The following PTPRR variants were observed in gnomAD, a reference collection of about 807,000 sequenced individuals.
The protein encoded by PTPRR is protein tyrosine phosphatase receptor type R, also known as receptor-type tyrosine-protein phosphatase R.
Under a neutral mutation model 77.2 loss-of-function variants are expected in PTPRR, and 38 were observed. The observed-to-expected ratio is 0.49, with a 90% confidence interval of 0.38 to 0.65. The LOEUF is 0.65. PTPRR is among the 30% of genes least tolerant of loss of function. The pLI is 0.00. For missense variants in PTPRR, 744 were observed against 799.2 expected, an observed-to-expected ratio of 0.93 and a Z score of 0.83; for synonymous variants, 299 against 283.1, an observed-to-expected ratio of 1.06 and a Z score of -0.57.
chr12:70,819,138 T>A (rs1253840973), intron 2 of PTPRR, among the ~76,000 whole-genome samples: 1 of 152,112 alleles, frequency 6.6e-6, no homozygotes, highest in Non-Finnish European at 1.5e-5. Flanking sequence ...CTAGTCGACA[T>A]GGTGAAACCC....
chr12:70,849,202 A>G (rs560606128), intron 2 of PTPRR, among the ~76,000 whole-genome samples: 2 of 152,298 alleles, frequency 1.3e-5, no homozygotes, highest in South Asian at 2.1e-4. Flanking sequence ...AAAGGTAGAT[A>G]TTTGAACCAT....
intron 2 of PTPRR, among the ~76,000 whole-genome samples, chr12:70,872,390 C>T (rs1401784387): frequency 6.6e-6 from 1 of 151,140 alleles, no homozygotes; most frequent in Non-Finnish European, 1.5e-5. Flanking sequence ...CATCCTCCTG[C>T]TTGTTTACAG....
chr12:70,905,156 T>C (rs1216143799), intron 1 of PTPRR, among the ~76,000 whole-genome samples: 3 of 151,772 alleles, frequency 2.0e-5, no homozygotes, highest in Admixed American at 2.0e-4. Context: ...TATTTCATTA[T>C]AGGTAGAGGG....
chr12:70,834,433 G>T (rs1892267594), intron 2 of PTPRR, among the ~76,000 whole-genome samples: 1 of 152,112 alleles, frequency 6.6e-6, no homozygotes, highest in African/African-American at 2.4e-5. Context: ...TTGTCAGGCT[G>T]TTCAAATAAC....
chr12:70,862,593 G>A (rs936084925), intron 2 of PTPRR, among the ~76,000 whole-genome samples: 13 of 119,608 alleles, frequency 1.1e-4, no homozygotes, highest in African/African-American at 3.4e-4. Flanking sequence ...ACTGTTGTGG[G>A]GTGGGGGGAG....
At chr12:70,882,463 A>C (rs1306836232) in intron 2 of PTPRR, among the ~76,000 whole-genome samples, 1 of 152,190 alleles carries the variant, frequency 6.6e-6, no homozygotes, top group Non-Finnish European at 1.5e-5. Flanking sequence ...CACCCTTATC[A>C]TACTAAACAC....
chr12:70,889,177 G>A (rs1348975999), intron 2 of PTPRR, among the ~76,000 whole-genome samples: 1 of 152,154 alleles, frequency 6.6e-6, no homozygotes, highest in Non-Finnish European at 1.5e-5. Context: ...TATGTACATA[G>A]ACTAAGCCCA....
At position 70,892,993 on chromosome 12, in the gene PTPRR, A is replaced by G. The variant is rs1057259311; in HGVS notation, c.59-16T>C. On this transcript the variant is annotated splice_polypyrimidine_tract_variant and intron_variant, in intron 1 of 13. Coordinates refer to ENST00000283228, the MANE Select transcript of PTPRR (RefSeq NM_002849.4). ...GAAAAGCACCCTGAAAGAGGGAAGA[A>G]GCAGAAACAATATCAAAGACCCTAT... 6.2e-7 allele frequency: 1 copy of G among 1,609,500 alleles called. No individual in the cohort carries two copies. The highest frequency in any genetic ancestry group is 8.5e-7 in the Non-Finnish European group (1 of 1,177,396).
chr12:70,764,766 C>T lies in PTPRR; in HGVS notation c.370G>A (p.Asp124Asn), dbSNP rs781754786. 6 of 1,613,010 alleles carry T rather than the reference C, an allele frequency of 3.7e-6. No individual in the cohort carries two copies. Among genetic ancestry groups the T allele is most frequent in the Non-Finnish European group, 5.1e-6 (6 of 1,179,014 alleles). The change falls in exon 3 of 14, where the codon GAT becomes AAT. Residue 124 changes from aspartate to asparagine, a missense_variant. Physicochemically the swap from Asp to Asn is conservative, Grantham distance 23. Transcript: ENST00000283228. ...AAGGTTATGTTCAGCTTGTTTACAT[C>T]CATTTGCAGTGTCTAGAAAATAAGG... is the stretch of plus-strand genomic sequence containing the variant. ...ANVIVVTLQM[D>N]VNKLNITLLR...
chr12:70,812,501 T>C (rs1444222031), intron 2 of PTPRR, among the ~76,000 whole-genome samples: 1 of 152,204 alleles, frequency 6.6e-6, no homozygotes. Context: ...AATAGGTTTA[T>C]TTTCTGCCAT....
chr12:70,868,033 A>C (rs1247274027), intron 2 of PTPRR, among the ~76,000 whole-genome samples: 2 of 152,198 alleles, frequency 1.3e-5, no homozygotes, highest in Admixed American at 6.5e-5. Context: ...TACAAAAATT[A>C]ATTCAAGATG....
At chr12:70,791,762 GT>G (rs1265027367) in intron 2 of PTPRR, among the ~76,000 whole-genome samples, 2 of 152,100 alleles carry the variant, frequency 1.3e-5, no homozygotes, top group Non-Finnish European at 2.9e-5. Context: ...AGATGTAATG[GT>G]TTTTTAAGAT....
At chr12:70,724,802 T>G (rs1592707698) in intron 6 of PTPRR, among the ~76,000 whole-genome samples, 4 of 151,828 alleles carry the variant, frequency 2.6e-5, no homozygotes, top group Admixed American at 2.6e-4. Flanking sequence ...TAAGTCTGGA[T>G]ATATATATAT....
In PTPRR at chr12:70,816,694, A is replaced by G. The variant is rs146702927; in HGVS notation, c.358-51916T>C. ...ACATCCAGAAACCACAGGTCTAGAC[A>G]AGTTATCTTTAAGCATTATTAGAAA... On this transcript the variant is annotated intron_variant, in intron 2 of 13. Coordinates refer to ENST00000283228, the MANE Select transcript of PTPRR (RefSeq NM_002849.4). Among the ~76,000 whole-genome samples the G allele has an allele frequency of 1.1e-4, 16 of 152,184 alleles. No homozygotes were observed. In the East Asian group the frequency reaches 3.1e-3, roughly 29 times the overall value.
intron 2 of PTPRR, among the ~76,000 whole-genome samples, chr12:70,767,905 T>G (rs548839517): frequency 6.0e-4 from 91 of 152,302 alleles, no homozygotes; most frequent in African/African-American, 2.0e-3. Flanking sequence ...AACCTGCTCC[T>G]GAATGACTAC....
At chr12:70,780,999 T>TG (rs1228201224) in intron 2 of PTPRR, among the ~76,000 whole-genome samples, 1 of 152,234 alleles carries the variant, frequency 6.6e-6, no homozygotes, top group Non-Finnish European at 1.5e-5. Flanking sequence ...CATTGCTGCC[T>TG]GTGACTGGTG....
rs113954383 is a variant in PTPRR at position 70,728,202 on chromosome 12, A to ATT, written c.1007+17614_1007+17615dup. Reference sequence around the variant, plus strand: ...GGACCAGAAGTGTTTCAGATTTTGGATTTTTTTTTTTTCAGATTTTGGAAT... The same window carrying ATT: ...GGACCAGAAGTGTTTCAGATTTTGGATTTTTTTTTTTTTTCAGATTTTGGAAT... On this transcript the variant is annotated intron_variant, in intron 6 of 13. Coordinates refer to ENST00000283228, the MANE Select transcript of PTPRR (RefSeq NM_002849.4). Among the ~76,000 whole-genome samples, 10 of 127,818 alleles carry ATT rather than the reference A, an allele frequency of 7.8e-5. 1 individual carries two copies. The East Asian group carries it at 2.5e-3, about 31-fold the overall frequency. The allele number at this position is 127,818 out of a possible 152,430, so 83.9% of individuals were successfully genotyped here.
At chr12:70,724,689 C>T (rs770770397) in intron 6 of PTPRR, among the ~76,000 whole-genome samples, 5 of 152,010 alleles carry the variant, frequency 3.3e-5, no homozygotes, top group African/African-American at 1.2e-4. Context: ...GCTACTGTTA[C>T]AAGTAGTGTT....
intron 2 of PTPRR, among the ~76,000 whole-genome samples, chr12:70,872,523 G>A (rs1482121484): frequency 1.3e-4 from 20 of 151,280 alleles, no homozygotes; most frequent in African/African-American, 2.2e-4. Flanking sequence ...ATGAAACCCC[G>A]TCTCTACTAA....
Sources: gnomAD v4.1 joint callset for allele counts (sites outside exome capture counted in the v4.1 genomes callset) on GRCh38, gnomAD v4.1.1 for gene constraint, MANE v1.5 for transcripts, NCBI Gene and HGNC (gene_info 2026-07-23, HGNC 2026-07-21) for gene names.